The following PYGO1 variants were observed in gnomAD, a reference collection of about 807,000 sequenced individuals.
PYGO1 encodes pygopus family PHD finger 1.
PYGO1 carries 6 observed loss-of-function variants against 29.5 expected under a neutral mutation model. The observed-to-expected ratio is 0.20, with a 90% CI of 0.11 to 0.40. The LOEUF (loss-of-function observed/expected upper bound fraction) is 0.40, where lower values mean the gene tolerates loss of function less well. Ranked by LOEUF, PYGO1 falls within the 10% of genes least tolerant of loss-of-function variation. The probability of loss-of-function intolerance (pLI) is 1.00; values close to 1 mark genes in which losing one functional copy is unlikely to be tolerated. For missense variants in PYGO1, 515 were observed against 514.9 expected, an observed-to-expected ratio of 1.00 and a Z score of 0.00; for synonymous variants, 186 against 180.5, an observed-to-expected ratio of 1.03 and a Z score of -0.24.
At chr15:55,567,836 G>A (rs1406374157) in intron 1 of PYGO1, among the ~76,000 whole-genome samples, 1 of 152,040 alleles carries the variant, frequency 6.6e-6, no homozygotes. Flanking sequence ...CTATCCCAGC[G>A]CCATTTACTG....
intron 1 of PYGO1, among the ~76,000 whole-genome samples, chr15:55,556,129 C>A (rs1164636239): frequency 6.6e-6 from 1 of 152,090 alleles, no homozygotes; most frequent in Non-Finnish European, 1.5e-5. Context: ...TATTCAGGAC[C>A]TGCACTCAGC....
chr15:55,564,574 G>A (rs111629083), intron 1 of PYGO1, among the ~76,000 whole-genome samples: 14 of 152,052 alleles, frequency 9.2e-5, no homozygotes, highest in African/African-American at 3.4e-4. Context: ...CAGCCCAGGG[G>A]TTCTGGTGGC....
intron 1 of PYGO1, among the ~76,000 whole-genome samples, chr15:55,570,667 C>T (rs2058976571): frequency 6.6e-6 from 1 of 151,948 alleles, no homozygotes; most frequent in Non-Finnish European, 1.5e-5. Flanking sequence ...AGAGAATTTG[C>T]ACATACCCTG....
intron 1 of PYGO1, among the ~76,000 whole-genome samples, chr15:55,560,160 T>G (rs116885136): frequency 6.6e-6 from 1 of 152,006 alleles, no homozygotes; most frequent in East Asian, 1.9e-4. Flanking sequence ...TCCTATTAAA[T>G]ATAGTACTCA....
chr15:55,560,601 T>C (rs1412372269), intron 1 of PYGO1, among the ~76,000 whole-genome samples: 1 of 152,212 alleles, frequency 6.6e-6, no homozygotes, highest in African/African-American at 2.4e-5. Flanking sequence ...ATGGCCATAC[T>C]GCCCAAAGTA....
chr15:55,551,679 T>C (rs8038856), intron 1 of PYGO1, among the ~76,000 whole-genome samples: 142,890 of 152,062 alleles, frequency 0.94, 67,308 homozygotes, highest in Non-Finnish European at 0.97. Context: ...TGGTGGCACA[T>C]GCCTGTGGTC....
At position 55,543,260 on chromosome 15, in the gene PYGO1, A is replaced by G. The variant is rs939900580; in HGVS notation, c.*2763T>C. On this transcript the variant is annotated 3_prime_UTR_variant, in exon 3 of 3. Coordinates refer to ENST00000563719, the MANE Select transcript of PYGO1 (RefSeq NM_001367806.1). ...TATAATAGCCTTCTTCAGACAAATTATCATCTGGCTATTCTTACAGTTCAT... is the reference window on the plus strand; with the variant it reads ...TATAATAGCCTTCTTCAGACAAATTGTCATCTGGCTATTCTTACAGTTCAT... 2 of 152,216 alleles carry G rather than the reference A, an allele frequency of 1.3e-5. No homozygotes were observed. The highest frequency in any genetic ancestry group is 6.5e-5 in the Admixed American group (1 of 15,278). 9.4% of individuals were successfully genotyped at this position (152,216 alleles called of 1,614,324 possible). A position where few individuals can be genotyped will look rare whatever the true frequency, so the allele number is the denominator to read the frequency against.
intron 1 of PYGO1, among the ~76,000 whole-genome samples, chr15:55,566,388 CA>C (rs57006291): frequency 0.9 from 131,405 of 146,424 alleles, 59,568 homozygotes; most frequent in Non-Finnish European, 0.96. Flanking sequence ...CATATTGCTA[CA>C]AAAAAAAAAA....
rs992574516 is a variant in PYGO1, at chr15:55,544,390, C to G, written c.*1633G>C. On this transcript the variant is annotated 3_prime_UTR_variant, in exon 3 of 3. Coordinates refer to ENST00000563719, the MANE Select transcript of PYGO1 (RefSeq NM_001367806.1). ...GGAATGCATTGTTTCTTAGAAAAAG[C>G]TCCAAATGATAGACAGTAGTCCATG... 1 of 152,114 alleles carries G rather than the reference C, an allele frequency of 6.6e-6. No individual in the cohort carries two copies. The highest frequency in any genetic ancestry group is 1.9e-4 in the East Asian group (1 of 5,200). The allele number at this position is 152,114 out of a possible 1,614,324, so 9.4% of individuals were successfully genotyped here. A position where few individuals can be genotyped will look rare whatever the true frequency, so the allele number is the denominator to read the frequency against.
chr15:55,586,957 T>C (rs1229114244), intron 1 of PYGO1, among the ~76,000 whole-genome samples: 1 of 152,250 alleles, frequency 6.6e-6, no homozygotes, highest in Non-Finnish European at 1.5e-5. Flanking sequence ...GAAGATTGTC[T>C]ATCTGCTTTG....
chr15:55,587,676 G>A (rs1373803297), intron 1 of PYGO1, among the ~76,000 whole-genome samples, 159 bp downstream of exon 1: 3 of 151,856 alleles, frequency 2.0e-5, no homozygotes, highest in African/African-American at 7.2e-5. Context: ...CGCCCGGGCC[G>A]CGCGCTCGGA....
chr15:55,567,374 ATTTC>A (rs938394725), intron 1 of PYGO1, among the ~76,000 whole-genome samples: 17 of 151,324 alleles, frequency 1.1e-4, no homozygotes, highest in African/African-American at 3.2e-4. Context: ...TACCTGGCTA[ATTTC>A]TTTATTTTTT....
chr15:55,588,398 G>A (rs916239861), upstream of PYGO1, among the ~76,000 whole-genome samples: 3 of 148,902 alleles, frequency 2.0e-5, no homozygotes, highest in Admixed American at 2.0e-4. Flanking sequence ...GCGGGCGAGG[G>A]ACGTGGCGCG....
At chr15:55,555,759 A>T (rs1452374851) in intron 1 of PYGO1, among the ~76,000 whole-genome samples, 1 of 152,200 alleles carries the variant, frequency 6.6e-6, no homozygotes, top group Admixed American at 6.5e-5. Context: ...GTTAAGTCTC[A>T]TCGTTATGCT....
At position 55,546,648 on chromosome 15, in the gene PYGO1, A is replaced by G; in HGVS notation, c.635T>C (p.Phe212Ser). ...SNFVPGNNSN[F>S]TSPLESNHSF... ...ATGATTAGATTCTAACGGAGAAGTAAAATTTGAATTATTTCCAGGAACAAA... is the reference window on the plus strand; with the variant it reads ...ATGATTAGATTCTAACGGAGAAGTAGAATTTGAATTATTTCCAGGAACAAA... The change falls in exon 3 of 3, where the codon TTT (phenylalanine) becomes TCT (serine). Residue 212 changes from phenylalanine (F) to serine (S), a missense_variant. Transcript: ENST00000563719. 1 of 1,614,044 alleles carries G rather than the reference A, an allele frequency of 6.2e-7. No homozygotes were observed. Among genetic ancestry groups the G allele is most frequent in the Non-Finnish European group, 8.5e-7 (1 of 1,180,012 alleles).
Position 55,540,069 on chromosome 15 carries a change from C to A in PYGO1, c.*5954G>T, listed in dbSNP as rs919175757. ...TTGTCTTAATGACAAAATAAGAATG[C>A]TTTTAAATTACTATTCTTAAGTAAA... On this transcript the variant is annotated 3_prime_UTR_variant, in exon 3 of 3. Transcript: ENST00000563719. 1 of 151,960 alleles carries A rather than the reference C, an allele frequency of 6.6e-6. No homozygotes were observed. The highest frequency in any genetic ancestry group is 1.5e-5 in the Non-Finnish European group (1 of 67,896). The allele number at this position is 151,960 out of a possible 1,614,324, so 9.4% of individuals were successfully genotyped here.
upstream of PYGO1, chr15:55,588,659 G>T (rs947494225): frequency 4.3e-6 from 3 of 702,236 alleles, no homozygotes; most frequent in Non-Finnish European, 2.0e-6. Flanking sequence ...CTCCCTCGCC[G>T]ACCGCCAGGC....
chr15:55,573,089 G>C (rs1595991576), intron 1 of PYGO1, among the ~76,000 whole-genome samples: 1 of 151,576 alleles, frequency 6.6e-6, no homozygotes, highest in East Asian at 1.9e-4. Flanking sequence ...GGCGGATCAC[G>C]AGGTCAGGAG....
chr15:55,555,975 A>G (rs890064833), intron 1 of PYGO1, among the ~76,000 whole-genome samples: 1 of 152,150 alleles, frequency 6.6e-6, no homozygotes, highest in African/African-American at 2.4e-5. Flanking sequence ...ATATATTTGC[A>G]CCCAACACAG....
Sources: allele counts gnomAD v4.1 joint callset (sites outside exome capture counted in the v4.1 genomes callset), GRCh38; gene constraint gnomAD v4.1.1; transcripts MANE v1.5; gene names NCBI Gene and HGNC (gene_info 2026-07-23, HGNC 2026-07-21).